Variants in DISP2 observed in about 807,000 individuals in gnomAD.
DISP2 encodes the protein dispatched RND transporter family member 2.
DISP2 carries 59 observed loss-of-function variants against 95.5 expected under a neutral mutation model. That is an observed-to-expected ratio of 0.62 (90% confidence interval 0.50 to 0.77). The LOEUF (loss-of-function observed/expected upper bound fraction) is 0.77. DISP2 is among the 30% of genes least tolerant of loss of function. The pLI, the probability that DISP2 is intolerant of heterozygous loss-of-function variation, is 0.00. For missense variants in DISP2, 1,752 were observed against 1,854.6 expected, an observed-to-expected ratio of 0.94 and a Z score of 1.02; for synonymous variants, 827 against 815.0, an observed-to-expected ratio of 1.01 and a Z score of -0.25.
At chr15:40,365,049 G>C in intron 5 of DISP2, 96 bp downstream of exon 5, 1 of 1,587,106 alleles carries the variant, frequency 6.3e-7, no homozygotes, top group Admixed American at 1.8e-5. Flanking sequence ...GCAGGTCAGA[G>C]GGGCTTGCCA....
chr15:40,364,318 C>A, intron 3 of DISP2, 63 bp downstream of exon 3: 1 of 1,613,834 alleles, frequency 6.2e-7, no homozygotes, highest in Non-Finnish European at 8.5e-7. Flanking sequence ...TAGCCCTGTT[C>A]CCCGTGCTCT....
rs1889341971 is a variant in DISP2, at chr15:40,358,244, TGCCGCCGCCACCGCCGC to T, written c.-77_-61del. On this transcript the variant is annotated 5_prime_UTR_variant, in exon 1 of 8. Transcript: ENST00000267889. ...ATGCGCACGAGCACCCCGCCGCCGC[TGCCGCCGCCACCGCCGC>T]CGCCGCCGCCGCCGCCGCGGCTTCA... 6 of 779,808 alleles carry T rather than the reference TGCCGCCGCCACCGCCGC, an allele frequency of 7.7e-6. No homozygotes were observed. The highest frequency in any genetic ancestry group is 1.1e-4 in the South Asian group (2 of 18,754). 48.3% of individuals were successfully genotyped at this position (779,808 alleles called of 1,614,324 possible).
rs1889631717 is a variant in DISP2 at position 40,370,795 on chromosome 15, A to G, written c.*477A>G. ...TCACCCCTTTCATGGGCTCTTCATC[A>G]GGACACTTCCCTCTCTTTTGGGAGC... On this transcript the variant is annotated 3_prime_UTR_variant, in exon 8 of 8. Coordinates refer to ENST00000267889, the MANE Select transcript of DISP2 (RefSeq NM_033510.3). 5.4e-6 allele frequency: 2 copies of G among 369,996 alleles called. No individual in the cohort carries two copies. The highest frequency in any genetic ancestry group is 6.6e-5 in the Admixed American group (2 of 30,320). The allele number at this position is 369,996 out of a possible 1,614,324, so 22.9% of individuals were successfully genotyped here.
At chr15:40,358,485 A>G in intron 1 of DISP2, 45 bp downstream of exon 1, 11 of 1,201,452 alleles carry the variant, frequency 9.2e-6, no homozygotes, top group Non-Finnish European at 1.0e-5. Flanking sequence ...ACCCTCCCAG[A>G]CCCTCCCCGC....
chr15:40,359,983 C>T (rs1889381360), intron 1 of DISP2, among the ~76,000 whole-genome samples: 2 of 152,226 alleles, frequency 1.3e-5, no homozygotes, highest in Admixed American at 1.3e-4. Flanking sequence ...TGTGGGATCA[C>T]ACTGATGTTC....
chr15:40,369,332 G>T lies in DISP2; in HGVS notation c.3220G>T (p.Gly1074Cys). 6.2e-7 allele frequency: 1 copy of T among 1,613,422 alleles called. No individual in the cohort carries two copies. Among genetic ancestry groups the T allele is most frequent in the Non-Finnish European group, 8.5e-7 (1 of 1,180,022 alleles). The change falls in exon 8 of 8, where the codon GGC becomes TGC. Residue 1074 changes from glycine (G) to cysteine (C), a missense_variant. Gly to Cys is a radical substitution (Grantham distance 159, BLOSUM62 -3). Around this residue, in one of 5 missense-constraint regions of DISP2, gnomAD observed 317 missense variants for 394.9 expected, o/e 0.80. Transcript: ENST00000267889. ...AVGAAALFAA[G>C]VLMLPATVLL... is the part of the protein sequence containing the mutation. ...GGGGGCTGCAGCCCTGTTTGCGGCA[G>T]GCGTGCTCATGCTGCCTGCCACAGT...
Position 40,358,269 on chromosome 15 carries a change from G to GCCGCCGCCACCGCCGCCGCCGCCC in DISP2, c.-45_-44insACCGCCGCCGCCGCCCCCGCCGCC. 1 of 1,200,434 alleles carries GCCGCCGCCACCGCCGCCGCCGCCC rather than the reference G, an allele frequency of 8.3e-7. No homozygotes were observed. The highest frequency in any genetic ancestry group is 1.0e-6 in the Non-Finnish European group (1 of 970,530). 74.4% of individuals were successfully genotyped at this position (1,200,434 alleles called of 1,614,324 possible). ...TGCCGCCGCCACCGCCGCCGCCGCC[G>GCCGCCGCCACCGCCGCCGCCGCCC]CCGCCGCCGCGGCTTCAGCACCAGC... is the stretch of plus-strand genomic sequence containing the variant. On this transcript the variant is annotated 5_prime_UTR_variant, in exon 1 of 8. Coordinates refer to ENST00000267889, the MANE Select transcript of DISP2 (RefSeq NM_033510.3).
chr15:40,363,489 C>T (rs952180416), intron 1 of DISP2, 136 bp from the exon 2 acceptor site: 13 of 661,128 alleles, frequency 2.0e-5, no homozygotes, highest in African/African-American at 3.7e-5. Context: ...TCACCTCTCA[C>T]TTCTCCCCCA....
intron 1 of DISP2, among the ~76,000 whole-genome samples, chr15:40,362,877 G>A (rs375055187): frequency 2.0e-5 from 3 of 152,246 alleles, no homozygotes; most frequent in Admixed American, 6.5e-5. Context: ...AAGAGCAGAC[G>A]ACTGCAGCAG....
rs916200194 is a variant in DISP2, at chr15:40,368,792, T to G, written c.2680T>G (p.Phe894Val). 43 of 1,613,904 alleles carry G rather than the reference T, an allele frequency of 2.7e-5. No homozygotes were observed. Among genetic ancestry groups the G allele is most frequent in the Non-Finnish European group, 3.6e-5 (43 of 1,180,030 alleles). ...PDGTQDLGLR[F>V]DAHGSLAALV... The stretch of plus-strand genomic sequence containing the variant: ...TGGCACCCAGGACCTGGGACTCCGC[T>G]TTGATGCCCATGGCAGCCTGGCCGC... Residue 894 changes from phenylalanine to valine, a missense_variant, in exon 8 of 8, where the codon TTT (phenylalanine) becomes GTT (valine). Phe to Val is a conservative substitution (Grantham distance 50). Transcript: ENST00000267889.
Position 40,368,756 on chromosome 15 carries a change from C to T in DISP2, c.2644C>T (p.Gln882Ter). The T allele has an allele frequency of 2.5e-6, 4 of 1,613,758 alleles. No homozygotes were observed. The highest frequency in any genetic ancestry group is 3.4e-6 in the Non-Finnish European group (4 of 1,180,026). The change falls in exon 8 of 8, where the codon CAA (glutamine) becomes TAA (stop). Residue 882 changes from glutamine to a stop codon, truncating the protein, a stop_gained. Coordinates refer to ENST00000267889, the MANE Select transcript of DISP2 (RefSeq NM_033510.3). LOFTEE classifies it high-confidence loss of function. ...LHCLKMMALE[Q>*]GPDGTQDLGL... is the part of the protein sequence containing the mutation. The stretch of plus-strand genomic sequence containing the variant: ...CTGCCTGAAAATGATGGCTCTGGAG[C>T]AAGGCCCCGATGGCACCCAGGACCT...
At position 40,368,655 on chromosome 15, in the gene DISP2, C is replaced by A; in HGVS notation, c.2543C>A (p.Pro848His). ...VETLQRWMESPSCARLGPDLC... is the reference protein window; with the variant it reads ...VETLQRWMESHSCARLGPDLC... ...ACCCTCCAGCGCTGGATGGAGAGCC[C>A]CAGCTGCGCCCGCCTGGGGCCTGAC... The change falls in exon 8 of 8, where the codon CCC becomes CAC. Residue 848 changes from proline to histidine, a missense_variant. Transcript: ENST00000267889. The A allele has an allele frequency of 6.2e-7, 1 of 1,610,606 alleles. No homozygotes were observed. Among genetic ancestry groups the A allele is most frequent in the Non-Finnish European group, 8.5e-7 (1 of 1,179,990 alleles).
intron 7 of DISP2, among the ~76,000 whole-genome samples, chr15:40,366,183 C>T (rs928826244): frequency 1.3e-5 from 2 of 152,244 alleles, no homozygotes; most frequent in African/African-American, 4.8e-5. Context: ...CCACTTCACA[C>T]GAGGATATCC....
chr15:40,369,706 C>T lies in DISP2; in HGVS notation c.3594C>T (p.Leu1198=), dbSNP rs755403461. The part of the protein sequence containing the change: ...RPSVLSEDLQ[L]HDGPCCSRPP... ...CAGTACTCTCTGAGGATCTGCAGCT[C>T]CATGATGGTCCGTGCTGTTCCCGGC... is the stretch of plus-strand genomic sequence containing the variant. Residue 1198 remains leucine (L), a synonymous_variant, in exon 8 of 8, where the codon CTC becomes CTT. Coordinates refer to ENST00000267889, the MANE Select transcript of DISP2 (RefSeq NM_033510.3). The T allele has an allele frequency of 1.2e-6, 2 of 1,611,634 alleles. No homozygotes were observed. Among genetic ancestry groups the T allele is most frequent in the Non-Finnish European group, 1.7e-6 (2 of 1,180,002 alleles).
chr15:40,360,879 C>G (rs1178034917), intron 1 of DISP2, among the ~76,000 whole-genome samples: 1 of 152,198 alleles, frequency 6.6e-6, no homozygotes, highest in Non-Finnish European at 1.5e-5. Flanking sequence ...AGAGGGAGAC[C>G]AAGGCTGATG....
At position 40,370,718 on chromosome 15, in the gene DISP2, G is replaced by A; in HGVS notation, c.*400G>A. On this transcript the variant is annotated 3_prime_UTR_variant, in exon 8 of 8. Transcript: ENST00000267889. ...ACCCCCATCCTAGGGATCTTGTCAG[G>A]GTTCCTTACTGACCAGAGGAGCCCG... 1 of 469,602 alleles carries A rather than the reference G, an allele frequency of 2.1e-6. No homozygotes were observed. Among genetic ancestry groups the A allele is most frequent in the Non-Finnish European group, 4.2e-6 (1 of 236,510 alleles). 29.1% of individuals were successfully genotyped at this position (469,602 alleles called of 1,614,324 possible). A position where few individuals can be genotyped will look rare whatever the true frequency, so the allele number is the denominator to read the frequency against.
At position 40,369,356 on chromosome 15, in the gene DISP2, G is replaced by C; in HGVS notation, c.3244G>C (p.Val1082Leu). ...AAGVLMLPAT[V>L]LLYRKLGIIL... Reference sequence around the variant, plus strand: ...AGGCGTGCTCATGCTGCCTGCCACAGTGCTGCTCTATCGCAAGCTGGGCAT... The same window carrying C: ...AGGCGTGCTCATGCTGCCTGCCACACTGCTGCTCTATCGCAAGCTGGGCAT... The change falls in exon 8 of 8, where the codon GTG (valine) becomes CTG (leucine). Residue 1082 changes from valine (V) to leucine (L), a missense_variant. Around this residue, in one of 5 missense-constraint regions of DISP2, gnomAD observed 317 missense variants for 394.9 expected, o/e 0.80. Transcript: ENST00000267889. 6.2e-7 allele frequency: 1 copy of C among 1,613,590 alleles called. No individual in the cohort carries two copies. Among genetic ancestry groups the C allele is most frequent in the Non-Finnish European group, 8.5e-7 (1 of 1,180,004 alleles).
At chr15:40,359,902 T>C (rs1341443941) in intron 1 of DISP2, among the ~76,000 whole-genome samples, 1 of 152,248 alleles carries the variant, frequency 6.6e-6, no homozygotes, top group Non-Finnish European at 1.5e-5. Flanking sequence ...TAGTTCACAC[T>C]TTGTGTTTTT....
In DISP2 at chr15:40,376,431, C is replaced by G. The variant is rs1889732241; in HGVS notation, c.*6113C>G. ...GGTCAGGAGTTCAACACCAGCCTGG[C>G]CAACATGGCAAAACCCTGTCTCTAC... is the stretch of plus-strand genomic sequence containing the variant. On this transcript the variant is annotated 3_prime_UTR_variant, in exon 8 of 8. Transcript: ENST00000267889. 6.6e-6 allele frequency: 1 copy of G among 152,158 alleles called. No homozygotes were observed. Among genetic ancestry groups the G allele is most frequent in the Non-Finnish European group, 1.5e-5 (1 of 68,068 alleles). 9.4% of individuals were successfully genotyped at this position (152,158 alleles called of 1,614,324 possible). A position where few individuals can be genotyped will look rare whatever the true frequency, so the allele number is the denominator to read the frequency against.
Sources: allele counts gnomAD v4.1 joint callset (sites outside exome capture counted in the v4.1 genomes callset), GRCh38; gene constraint gnomAD v4.1.1; regional missense constraint gnomAD v4.1.1; transcripts MANE v1.5; gene names NCBI Gene and HGNC (gene_info 2026-07-23, HGNC 2026-07-21).